The following CELF4 variants were observed in gnomAD, a reference collection of about 807,000 sequenced individuals.
CELF4 encodes the protein CUG-BP- and ETR-3-like factor 4.
Under a neutral mutation model 59.9 loss-of-function variants are expected in CELF4, and 18 were observed. That is an observed-to-expected ratio of 0.30 (90% confidence interval 0.21 to 0.45). The LOEUF is 0.45. Ranked by LOEUF, CELF4 falls within the 20% of genes least tolerant of loss-of-function variation. The pLI, the probability that CELF4 is intolerant of heterozygous loss-of-function variation, is 1.00. For synonymous variants in CELF4, 261 were observed against 267.1 expected, an observed-to-expected ratio of 0.98 and a Z score of 0.22; for missense variants, 456 against 689.0, an observed-to-expected ratio of 0.66 and a Z score of 3.79.
At chr18:37,442,412 A>AT (rs1334956948) in intron 2 of CELF4, among the ~76,000 whole-genome samples, 1 of 152,120 alleles carries the variant, frequency 6.6e-6, no homozygotes, top group Admixed American at 6.5e-5. Context: ...CAGAAAAAAA[A>AT]TTTTTTTCCC....
At chr18:37,451,152 G>T (rs1212875584) in intron 2 of CELF4, among the ~76,000 whole-genome samples, 1 of 152,234 alleles carries the variant, frequency 6.6e-6, no homozygotes, top group Non-Finnish European at 1.5e-5. Context: ...CACTGCAGAG[G>T]ACATGGGCAG....
At chr18:37,530,539 C>T (rs1209394109) in intron 1 of CELF4, among the ~76,000 whole-genome samples, 2 of 152,128 alleles carry the variant, frequency 1.3e-5, no homozygotes, top group Non-Finnish European at 1.5e-5. Flanking sequence ...TTTCCCCACT[C>T]CCCCTACCCC....
intron 2 of CELF4, among the ~76,000 whole-genome samples, chr18:37,450,743 T>C (rs1382367557): frequency 1.3e-5 from 2 of 152,070 alleles, no homozygotes; most frequent in Non-Finnish European, 2.9e-5. Flanking sequence ...TCCCCCATGG[T>C]GCACAGCCCA....
chr18:37,283,929 A>ACAC (rs2094442438), intron 3 of CELF4, among the ~76,000 whole-genome samples: 1 of 1,262 alleles, frequency 7.9e-4, no homozygotes, highest in East Asian at 0.013. Flanking sequence ...ACACACACAC[A>ACAC]CCAATACATG....
At chr18:37,408,491 C>CCGGGGGG (rs1557416110) in intron 2 of CELF4, among the ~76,000 whole-genome samples, 32 of 40,836 alleles carry the variant, frequency 7.8e-4, no homozygotes, top group Non-Finnish European at 1.9e-3. Context: ...TTGGTTGGTG[C>CCGGGGGG]CGGGGGGGGG....
intron 2 of CELF4, among the ~76,000 whole-genome samples, chr18:37,404,880 CT>C (rs2099364976): frequency 6.6e-6 from 1 of 152,230 alleles, no homozygotes. Context: ...CTGCCCATCC[CT>C]TGTCGCATGC....
intron 1 of CELF4, among the ~76,000 whole-genome samples, chr18:37,508,350 G>C (rs1211966405): frequency 6.6e-6 from 1 of 152,136 alleles, no homozygotes; most frequent in African/African-American, 2.4e-5. Flanking sequence ...GCAGAGGCAG[G>C]AGGGTGACTC....
chr18:37,334,394 T>G (rs947471866), intron 2 of CELF4, among the ~76,000 whole-genome samples: 4 of 152,144 alleles, frequency 2.6e-5, no homozygotes, highest in Admixed American at 2.0e-4. Flanking sequence ...CTCACAACCA[T>G]CTAGGAGCCC....
intron 2 of CELF4, among the ~76,000 whole-genome samples, chr18:37,471,269 C>T (rs552417913): frequency 1.3e-5 from 2 of 152,284 alleles, no homozygotes; most frequent in South Asian, 4.1e-4. Context: ...CACTTCCTCA[C>T]CTCAGTCCTC....
In CELF4 at chr18:37,357,926, C is replaced by T. The variant is rs139939628; in HGVS notation, c.370-36045G>A. Among the ~76,000 whole-genome samples the T allele has an allele frequency of 4.9e-3, 740 of 152,290 alleles. 4 individuals carry two copies. The highest frequency in any genetic ancestry group is 8.8e-3 in the Non-Finnish European group (596 of 68,032). On this transcript the variant is annotated intron_variant, in intron 2 of 12. Coordinates refer to ENST00000420428, the MANE Select transcript of CELF4 (RefSeq NM_020180.4). ...ATTTGGAATGGCTGTATCTACCCAGCGCCTGTACCCCCACTGTATTTAGGA... is the reference window on the plus strand; with the variant it reads ...ATTTGGAATGGCTGTATCTACCCAGTGCCTGTACCCCCACTGTATTTAGGA...
Position 37,398,499 on chromosome 18 carries a change from C to T in CELF4, c.370-76618G>A, listed in dbSNP as rs1361410644. ...CTGATCTTGAGGAAGATCCTAGCCT[C>T]GGGGCAGTGGGAGGAGGCTTCCTGC... On this transcript the variant is annotated intron_variant, in intron 2 of 12. Coordinates refer to ENST00000420428, the MANE Select transcript of CELF4 (RefSeq NM_020180.4). 4.6e-5 allele frequency among the ~76,000 whole-genome samples: 7 copies of T among 152,152 alleles called. No homozygotes were observed. The East Asian group carries it at 9.7e-4, about 21-fold the overall frequency.
chr18:37,281,602 G>T (rs139647485), intron 3 of CELF4, among the ~76,000 whole-genome samples: 19 of 152,336 alleles, frequency 1.2e-4, no homozygotes, highest in Middle Eastern at 3.4e-3. Flanking sequence ...AGACCTGGAG[G>T]CTCAAAGGCA....
At chr18:37,313,325 C>T (rs764137931) in intron 3 of CELF4, among the ~76,000 whole-genome samples, 29 of 152,168 alleles carry the variant, frequency 1.9e-4, no homozygotes, top group Non-Finnish European at 2.8e-4. Flanking sequence ...CTGCCTGGGC[C>T]GAGGGCTTCC....
chr18:37,547,484 G>A (rs2099981840), intron 1 of CELF4, among the ~76,000 whole-genome samples: 1 of 152,170 alleles, frequency 6.6e-6, no homozygotes, highest in South Asian at 2.1e-4. Context: ...TCTATAGCCA[G>A]TGCCTGGGGC....
intron 2 of CELF4, among the ~76,000 whole-genome samples, chr18:37,356,482 TCAGAGGTGCTGGGAAGGC>T (rs1400517990): frequency 6.6e-6 from 1 of 151,438 alleles, no homozygotes; most frequent in African/African-American, 2.4e-5. Context: ...GCTGGGAAGG[TCAGAGGTGCTGGGAAGGC>T]CATTGGTGCT....
chr18:37,248,763 A>C (rs952970360), intron 12 of CELF4, among the ~76,000 whole-genome samples: 4 of 152,066 alleles, frequency 2.6e-5, no homozygotes, highest in Non-Finnish European at 5.9e-5. Context: ...CCTCTGCTGC[A>C]CCTGGGCCCC....
chr18:37,297,672 G>T (rs1011239186), intron 3 of CELF4, among the ~76,000 whole-genome samples: 3 of 152,374 alleles, frequency 2.0e-5, no homozygotes, highest in African/African-American at 4.8e-5. Context: ...TTCCCCAGAA[G>T]TTCCCTCATG....
At chr18:37,542,201 G>A (rs2099978311) in intron 1 of CELF4, among the ~76,000 whole-genome samples, 2 of 152,168 alleles carry the variant, frequency 1.3e-5, no homozygotes, top group African/African-American at 4.8e-5. Context: ...ACATATTTGT[G>A]GAAATGCAAA....
At chr18:37,377,005 G>C (rs2098978126) in intron 2 of CELF4, among the ~76,000 whole-genome samples, 1 of 151,640 alleles carries the variant, frequency 6.6e-6, no homozygotes, top group African/African-American at 2.4e-5. Context: ...GTGGAGGGGA[G>C]AGGGTAAGGG....
Sources: allele counts gnomAD v4.1 joint callset (sites outside exome capture counted in the v4.1 genomes callset), GRCh38; gene constraint gnomAD v4.1.1; transcripts MANE v1.5; gene names NCBI Gene and HGNC (gene_info 2026-07-23, HGNC 2026-07-21).